KIAA1217: variants seen among roughly 807,000 people sequenced by gnomAD.
The protein encoded by KIAA1217 is KIAA1217, also known as sickle tail protein homolog.
Under a neutral mutation model 163.9 loss-of-function variants are expected in KIAA1217, and 88 were observed. The observed-to-expected ratio is 0.54, with a 90% CI of 0.45 to 0.64. KIAA1217 has a LOEUF of 0.64. Ranked by LOEUF, KIAA1217 falls within the 30% of genes least tolerant of loss-of-function variation. KIAA1217 has a pLI of 0.00. For synonymous variants in KIAA1217, 903 were observed against 923.1 expected, an observed-to-expected ratio of 0.98 and a Z score of 0.39; for missense variants, 2,372 against 2,475.0, an observed-to-expected ratio of 0.96 and a Z score of 0.88.
intron 2 of KIAA1217, among the ~76,000 whole-genome samples, chr10:24,191,552 A>AATATATATATATAT (rs59779872): frequency 6.7e-6 from 1 of 148,264 alleles, no homozygotes; most frequent in Non-Finnish European, 1.5e-5. Flanking sequence ...TGTACCCACA[A>AATATATATATATAT]ATATATATAT....
intron 2 of KIAA1217, among the ~76,000 whole-genome samples, chr10:24,127,599 T>G (rs1340885290): frequency 6.6e-6 from 1 of 152,178 alleles, no homozygotes; most frequent in Non-Finnish European, 1.5e-5. Context: ...ATTTTCACAA[T>G]GCACTCCAGT....
chr10:23,936,851 C>A (rs1470956881), intron 1 of KIAA1217, among the ~76,000 whole-genome samples: 1 of 152,232 alleles, frequency 6.6e-6, no homozygotes, highest in East Asian at 1.9e-4. Context: ...TTGTTTAGGG[C>A]CATGATAATA....
chr10:24,447,858 G>A (rs193295514), intron 5 of KIAA1217, among the ~76,000 whole-genome samples: 8 of 152,214 alleles, frequency 5.3e-5, no homozygotes, highest in South Asian at 4.1e-4. Context: ...TGGGCTGAGC[G>A]CGGTGGCTCA....
At chr10:24,426,451 G>A (rs767423384) in intron 3 of KIAA1217, among the ~76,000 whole-genome samples, 10 of 151,860 alleles carry the variant, frequency 6.6e-5, no homozygotes, top group East Asian at 1.9e-4. Flanking sequence ...CCAAAACCCC[G>A]TCTCTACTAA....
chr10:23,876,356 G>A (rs1036752572), intron 1 of KIAA1217, among the ~76,000 whole-genome samples: 4 of 151,660 alleles, frequency 2.6e-5, no homozygotes, highest in African/African-American at 9.7e-5. Flanking sequence ...TGGGAAAAGG[G>A]CTGAAAAAAC....
intron 1 of KIAA1217, among the ~76,000 whole-genome samples, chr10:23,704,181 T>C (rs1836716466): frequency 1.0e-5 from 1 of 97,432 alleles, no homozygotes; most frequent in South Asian, 3.2e-4. Context: ...TGTATATATA[T>C]ATATATATAT....
At chr10:24,282,146 G>A (rs1307391137) in intron 2 of KIAA1217, among the ~76,000 whole-genome samples, 1 of 152,062 alleles carries the variant, frequency 6.6e-6, no homozygotes, top group South Asian at 2.1e-4. Flanking sequence ...GGCAGGAGGA[G>A]CTCTTGAAGC....
chr10:24,028,965 G>T (rs973097612), intron 2 of KIAA1217, among the ~76,000 whole-genome samples: 1 of 152,126 alleles, frequency 6.6e-6, no homozygotes, highest in African/African-American at 2.4e-5. Flanking sequence ...GCTTTCAATG[G>T]GTTAGAATTA....
At chr10:24,401,158 C>A (rs1308584144) in intron 3 of KIAA1217, among the ~76,000 whole-genome samples, 11 of 150,948 alleles carry the variant, frequency 7.3e-5, no homozygotes, top group African/African-American at 2.7e-4. Context: ...GCTTCAAAAT[C>A]CAAGGGAAAG....
chr10:24,423,359 A>G (rs1458074672), intron 3 of KIAA1217, among the ~76,000 whole-genome samples: 1 of 151,810 alleles, frequency 6.6e-6, no homozygotes, highest in African/African-American at 2.4e-5. Context: ...ATCTCGGCTC[A>G]TTGCAGCCAC....
At chr10:24,525,690 A>G (rs2072035947) in intron 13 of KIAA1217, among the ~76,000 whole-genome samples, 1 of 152,208 alleles carries the variant, frequency 6.6e-6, no homozygotes, top group Admixed American at 6.5e-5. Flanking sequence ...ACTAGGTCTT[A>G]AGACCAAATG....
intron 3 of KIAA1217, among the ~76,000 whole-genome samples, chr10:24,385,853 G>C (rs1224745509): frequency 6.6e-6 from 1 of 152,160 alleles, no homozygotes; most frequent in Non-Finnish European, 1.5e-5. Context: ...ATGAAAAATG[G>C]TCGGGCTGAT....
chr10:24,015,470 A>G (rs1200193417), intron 2 of KIAA1217, among the ~76,000 whole-genome samples: 2 of 152,034 alleles, frequency 1.3e-5, no homozygotes, highest in African/African-American at 4.8e-5. Flanking sequence ...AAATAGCAAC[A>G]TAAGGCCAGG....
At chr10:24,321,253 G>T (rs1235390053) in intron 2 of KIAA1217, among the ~76,000 whole-genome samples, 3 of 152,150 alleles carry the variant, frequency 2.0e-5, no homozygotes, top group Admixed American at 1.3e-4. Context: ...CAAGGGATAG[G>T]CTCGGCACAG....
intron 1 of KIAA1217, among the ~76,000 whole-genome samples, chr10:23,725,757 C>A (rs1457478295): frequency 6.6e-6 from 1 of 152,196 alleles, no homozygotes; most frequent in East Asian, 1.9e-4. Context: ...CTTACAGAGA[C>A]TAGCATTTTA....
chr10:23,804,904 A>G (rs1836662043), intron 1 of KIAA1217, among the ~76,000 whole-genome samples: 1 of 152,134 alleles, frequency 6.6e-6, no homozygotes, highest in Non-Finnish European at 1.5e-5. Flanking sequence ...AAATATTTTT[A>G]GTTAGGATCT....
chr10:24,175,997 G>C (rs1352634901), intron 2 of KIAA1217, among the ~76,000 whole-genome samples: 1 of 152,158 alleles, frequency 6.6e-6, no homozygotes, highest in Non-Finnish European at 1.5e-5. Context: ...CTGTGGAAGG[G>C]GACCCAAGCA....
chr10:24,472,308 T>C (rs1008435191), intron 5 of KIAA1217, among the ~76,000 whole-genome samples: 1 of 152,184 alleles, frequency 6.6e-6, no homozygotes, highest in Non-Finnish European at 1.5e-5. Flanking sequence ...TGTACTCTTA[T>C]TGCTTAATTA....
At chr10:23,849,840 G>A (rs1839218436) in intron 1 of KIAA1217, among the ~76,000 whole-genome samples, 1 of 151,982 alleles carries the variant, frequency 6.6e-6, no homozygotes, top group Non-Finnish European at 1.5e-5. Context: ...TTCTCCCAAT[G>A]TGACCGTCTT....
Sources: allele counts gnomAD v4.1 joint callset (sites outside exome capture counted in the v4.1 genomes callset), GRCh38; gene constraint gnomAD v4.1.1; transcripts MANE v1.5; gene names NCBI Gene and HGNC (gene_info 2026-07-23, HGNC 2026-07-21).